Variants in ALK observed in about 807,000 individuals in gnomAD.
ALK encodes the protein ALK tyrosine kinase receptor.
ALK carries 74 observed loss-of-function variants against 163.1 expected under a neutral mutation model. The observed-to-expected ratio is 0.45, with a 90% CI of 0.38 to 0.55. The LOEUF (loss-of-function observed/expected upper bound fraction) is 0.55, where lower values mean the gene tolerates loss of function less well. Among genes scored for constraint, ALK ranks in the 20% least tolerant of loss-of-function variants. The probability of loss-of-function intolerance (pLI) is 0.00; values close to 1 mark genes in which losing one functional copy is unlikely to be tolerated. For synonymous variants in ALK, 960 were observed against 843.2 expected (o/e 1.14, Z -2.40); for missense variants, 2,063 against 2,105.3 (o/e 0.98, Z 0.39).
chr2:29,411,827 C>G (rs1669731684), intron 4 of ALK, among the ~76,000 whole-genome samples: 2 of 152,194 alleles, frequency 1.3e-5, no homozygotes, highest in African/African-American at 4.8e-5. Flanking sequence ...TATTTGCCAT[C>G]TCAGCTTACA....
At chr2:29,406,157 G>A (rs1457591762) in intron 4 of ALK, among the ~76,000 whole-genome samples, 1 of 152,192 alleles carries the variant, frequency 6.6e-6, no homozygotes, top group Non-Finnish European at 1.5e-5. Flanking sequence ...TATTACTGAT[G>A]AGCACGACCT....
intron 3 of ALK, among the ~76,000 whole-genome samples, chr2:29,626,983 C>T (rs1676211268): frequency 6.6e-6 from 1 of 152,092 alleles, no homozygotes; most frequent in African/African-American, 2.4e-5. Flanking sequence ...CTCCAAACCA[C>T]CTGAAATCTG....
intron 3 of ALK, among the ~76,000 whole-genome samples, chr2:29,676,534 T>G (rs945248787): frequency 3.3e-5 from 5 of 152,074 alleles, no homozygotes; most frequent in African/African-American, 1.2e-4. Flanking sequence ...TCTCCTTTCT[T>G]TAATATCACA....
intron 4 of ALK, among the ~76,000 whole-genome samples, chr2:29,505,030 T>C (rs560766491): frequency 2.6e-5 from 4 of 152,214 alleles, no homozygotes; most frequent in African/African-American, 9.6e-5. Context: ...TTGTGGCCTG[T>C]GGTCACTCCA....
At chr2:29,689,158 C>T (rs1573557419) in intron 3 of ALK, among the ~76,000 whole-genome samples, 1 of 152,290 alleles carries the variant, frequency 6.6e-6, no homozygotes, top group South Asian at 2.1e-4. Flanking sequence ...CATCAATCAG[C>T]AAATGAAGCC....
At chr2:29,409,998 C>T (rs1669689255) in intron 4 of ALK, among the ~76,000 whole-genome samples, 1 of 152,186 alleles carries the variant, frequency 6.6e-6, no homozygotes, top group South Asian at 2.1e-4. Flanking sequence ...TCATATACAT[C>T]ATTAAACATA....
intron 4 of ALK, among the ~76,000 whole-genome samples, chr2:29,491,659 G>A (rs1028731631): frequency 1.2e-4 from 19 of 152,164 alleles, no homozygotes; most frequent in Non-Finnish European, 1.8e-4. Flanking sequence ...CAGTCCCTCT[G>A]GTTTCTCTTG....
chr2:29,736,242 G>C (rs1679888856), intron 1 of ALK, among the ~76,000 whole-genome samples: 1 of 152,016 alleles, frequency 6.6e-6, no homozygotes, highest in African/African-American at 2.4e-5. Context: ...TGATCTAGCT[G>C]TGTGAAAAAT....
chr2:29,498,262 G>GA (rs971896268), intron 4 of ALK, among the ~76,000 whole-genome samples: 5 of 152,154 alleles, frequency 3.3e-5, no homozygotes, highest in Non-Finnish European at 7.3e-5. Flanking sequence ...TGGGTTTGGG[G>GA]GAGGAGGTTG....
intron 4 of ALK, among the ~76,000 whole-genome samples, chr2:29,486,516 C>A (rs1303885158): frequency 1.3e-5 from 2 of 152,162 alleles, no homozygotes; most frequent in African/African-American, 2.4e-5. Flanking sequence ...CAGTGTTGCA[C>A]ATAAAGTCAG....
intron 5 of ALK, among the ~76,000 whole-genome samples, chr2:29,359,242 G>A (rs1668331430): frequency 2.0e-5 from 3 of 152,234 alleles, no homozygotes; most frequent in African/African-American, 7.2e-5. Context: ...ATTCCTGGAT[G>A]GAGTCAAGGT....
chr2:29,813,484 G>C (rs954136445), intron 1 of ALK, among the ~76,000 whole-genome samples: 3 of 152,120 alleles, frequency 2.0e-5, no homozygotes, highest in African/African-American at 7.2e-5. Context: ...AGGGCTCAAG[G>C]TTGCATATTC....
At chr2:29,216,929 T>TA in intron 23 of ALK, among the ~76,000 whole-genome samples, 1 of 84,950 alleles carries the variant, frequency 1.2e-5, no homozygotes, top group Non-Finnish European at 3.0e-5. Context: ...TTATGGTGTG[T>TA]GGGGGGTGTG....
At chr2:29,287,516 T>C (rs192468752) in intron 9 of ALK, among the ~76,000 whole-genome samples, 130 of 152,236 alleles carry the variant, frequency 8.5e-4, no homozygotes, top group Non-Finnish European at 8.8e-5. Context: ...TTACAGGTAG[T>C]GTGGTAATTC....
chr2:29,227,206 G>T lies in ALK; in HGVS notation c.2915-132C>A, dbSNP rs1404516322. 2 of 1,170,946 alleles carry T rather than the reference G, an allele frequency of 1.7e-6. No individual in the cohort carries two copies. Among genetic ancestry groups the T allele is most frequent in the African/African-American group, 1.5e-5 (1 of 66,206 alleles). The allele number at this position is 1,170,946 out of a possible 1,614,324, so 72.5% of individuals were successfully genotyped here. On this transcript the variant is annotated intron_variant, in intron 17 of 28. Transcript: ENST00000389048. This position sits in a 1 kb window ranked among gnomAD's most constrained non-coding sequence, Gnocchi z 4.4. ...TTCCTAGGTCCCATAGCCACTGGAA[G>T]CACAACTGTGTAGAAGAGTCTTCCT...
intron 9 of ALK, among the ~76,000 whole-genome samples, chr2:29,285,625 C>T (rs563380147): frequency 1.3e-5 from 2 of 149,686 alleles, no homozygotes; most frequent in South Asian, 2.1e-4. Flanking sequence ...TGCAGTGGTG[C>T]GATTTCAGCT....
intron 1 of ALK, among the ~76,000 whole-genome samples, chr2:29,794,377 A>G (rs1664256195): frequency 6.6e-6 from 1 of 152,180 alleles, no homozygotes; most frequent in Admixed American, 6.6e-5. Context: ...TATACCAGCA[A>G]TAAGGCTGTT....
At chr2:29,504,897 A>G (rs1672275059) in intron 4 of ALK, among the ~76,000 whole-genome samples, 1 of 152,182 alleles carries the variant, frequency 6.6e-6, no homozygotes, top group Non-Finnish European at 1.5e-5. Context: ...ATAGAAGGCC[A>G]CTTTGACGGC....
chr2:29,316,474 TCAAC>T (rs1666839231), intron 8 of ALK, among the ~76,000 whole-genome samples: 71 of 152,200 alleles, frequency 4.7e-4, no homozygotes, highest in African/African-American at 1.7e-3. Context: ...AAGCTATTGA[TCAAC>T]TCAAAGGTTA....
Sources: allele counts gnomAD v4.1 joint callset (sites outside exome capture counted in the v4.1 genomes callset), GRCh38; gene constraint gnomAD v4.1.1; non-coding constraint Gnocchi (gnomAD v3.1); transcripts MANE v1.5; gene names NCBI Gene and HGNC (gene_info 2026-07-23, HGNC 2026-07-21).